Variants in NDUFC2 observed in about 807,000 individuals in gnomAD.
NDUFC2 encodes NADH dehydrogenase [ubiquinone] 1 subunit C2.
In NDUFC2, 2 loss-of-function variants were observed where a neutral mutation model predicts 10.1. That is an observed-to-expected ratio of 0.20 (90% CI 0.08 to 0.62). The LOEUF (loss-of-function observed/expected upper bound fraction) is 0.62, where lower values mean the gene tolerates loss of function less well. Ranked by LOEUF, NDUFC2 falls within the 20% of genes least tolerant of loss-of-function variation. The pLI is 0.87. For synonymous variants in NDUFC2, 61 were observed against 63.6 expected, an observed-to-expected ratio of 0.96 and a Z score of 0.20; for missense variants, 156 against 159.6, an observed-to-expected ratio of 0.98 and a Z score of 0.12.
intron 1 of NDUFC2, 89 bp downstream of exon 1, chr11:78,079,490 A>G: frequency 1.2e-5 from 18 of 1,463,384 alleles, no homozygotes; most frequent in Non-Finnish European, 1.6e-5. Flanking sequence ...ACGGAAAAGC[A>G]GAGCACCTCA....
Position 78,079,778 on chromosome 11 carries a change from G to C in NDUFC2, c.-34C>G, listed in dbSNP as rs1004203637. 2.5e-6 allele frequency: 4 copies of C among 1,583,472 alleles called. No individual in the cohort carries two copies. Among genetic ancestry groups the C allele is most frequent in the African/African-American group, 2.7e-5 (2 of 72,846 alleles). On this transcript the variant is annotated 5_prime_UTR_variant, in exon 1 of 3. Coordinates refer to ENST00000281031, the MANE Select transcript of NDUFC2 (RefSeq NM_004549.6). ...CGTTTCCACTTGAGGCCTGGTCTCAGACCACGAACTACAAGGAAAACCACG... is the reference window on the plus strand; with the variant it reads ...CGTTTCCACTTGAGGCCTGGTCTCACACCACGAACTACAAGGAAAACCACG...
At position 78,074,034 on chromosome 11, in the gene NDUFC2, TTTTC is replaced by T. The variant is rs532078836; in HGVS notation, c.167-897_167-894del. 1.6e-3 allele frequency among the ~76,000 whole-genome samples: 228 copies of T among 139,954 alleles called. 1 individual carries two copies. The highest frequency in any genetic ancestry group is 5.6e-3 in the African/African-American group (210 of 37,370). The allele number at this position is 139,954 out of a possible 152,430, so 91.8% of individuals were successfully genotyped here. On this transcript the variant is annotated intron_variant, in intron 1 of 2. Transcript: ENST00000281031. ...CCAAAAGCGTGCACCACCATGCCTTTTTTCTTTCTTTCTTTCTTTCTTTTTTTTT... is the reference window on the plus strand; with the variant it reads ...CCAAAAGCGTGCACCACCATGCCTTTTTTCTTTCTTTCTTTCTTTTTTTTT...
At chr11:78,072,505 A>C (rs1177972373) in intron 2 of NDUFC2, among the ~76,000 whole-genome samples, 2 of 152,216 alleles carry the variant, frequency 1.3e-5, no homozygotes, top group Non-Finnish European at 2.9e-5. Context: ...AGATGTGATC[A>C]GATTTGCTGT....
chr11:78,079,568 G>C lies in NDUFC2; in HGVS notation c.166+11C>G. On this transcript the variant is annotated intron_variant, in intron 1 of 2. Coordinates refer to ENST00000281031, the MANE Select transcript of NDUFC2 (RefSeq NM_004549.6). The stretch of plus-strand genomic sequence containing the variant: ...TCTCCTCCCAGCCGATCCCGGCCGC[G>C]CAGCACTCACCAGCCGTCGCGATCG... 6.5e-7 allele frequency: 1 copy of C among 1,548,992 alleles called. No homozygotes were observed. Among genetic ancestry groups the C allele is most frequent in the South Asian group, 1.2e-5 (1 of 84,034 alleles).
chr11:78,073,453 T>C (rs974235213), intron 1 of NDUFC2, among the ~76,000 whole-genome samples: 1 of 151,578 alleles, frequency 6.6e-6, no homozygotes, highest in Non-Finnish European at 1.5e-5. Context: ...TATTGCGCCA[T>C]TGCACTCCAG....
chr11:78,070,621 G>A (rs375638771), intron 2 of NDUFC2, among the ~76,000 whole-genome samples: 1 of 152,024 alleles, frequency 6.6e-6, no homozygotes. Context: ...TTCTTTCATT[G>A]ACTGAAGAAT....
In NDUFC2 at chr11:78,075,730, G is replaced by A. The variant is rs370681254; in HGVS notation, c.167-2589C>T. Among the ~76,000 whole-genome samples the A allele has an allele frequency of 5.3e-5, 8 of 152,202 alleles. No individual in the cohort carries two copies. The East Asian group carries it at 1.5e-3, about 29-fold the overall frequency. On this transcript the variant is annotated intron_variant, in intron 1 of 2. Transcript: ENST00000281031. ...CTCCCAAGTAGCTGGGATCACAGGT[G>A]CATGCCACCACGTCCAGATAGCTTA...
In NDUFC2 at chr11:78,073,072, T is replaced by G. The variant is rs1023401854; in HGVS notation, c.236A>C (p.Asp79Ala). 4.3e-6 allele frequency: 7 copies of G among 1,614,072 alleles called. No homozygotes were observed. Among genetic ancestry groups the G allele is most frequent in the Non-Finnish European group, 5.9e-6 (7 of 1,180,016 alleles). ...FAGYYLVKREDYLYAVRDREM... is the reference protein window; with the variant it reads ...FAGYYLVKREAYLYAVRDREM... ...ACGGTCCCTCACAGCATACAGGTAG[T>G]CTTCACGTTTTACAAGATAATATCC... Residue 79 changes from aspartate to alanine, a missense_variant, in exon 2 of 3, where the codon GAC becomes GCC. Transcript: ENST00000281031.
chr11:78,079,376 TTTC>T (rs1296879348), intron 1 of NDUFC2, among the ~76,000 whole-genome samples, 200 bp downstream of exon 1: 1 of 152,062 alleles, frequency 6.6e-6, no homozygotes, highest in African/African-American at 2.4e-5. Flanking sequence ...TGCACCTCAG[TTTC>T]TTCAAGTGCC....
chr11:78,073,064 A>G lies in NDUFC2; in HGVS notation c.244T>C (p.Tyr82His). The G allele has an allele frequency of 1.2e-6, 2 of 1,614,200 alleles. No individual in the cohort carries two copies. Among genetic ancestry groups the G allele is most frequent in the Non-Finnish European group, 1.7e-6 (2 of 1,180,044 alleles). ...AACATTTCACGGTCCCTCACAGCAT[A>G]CAGGTAGTCTTCACGTTTTACAAGA... is the stretch of plus-strand genomic sequence containing the variant. ...YYLVKREDYL[Y>H]AVRDREMFGY... Residue 82 changes from tyrosine (Y) to histidine (H), a missense_variant, in exon 2 of 3, where the codon TAT (tyrosine) becomes CAT (histidine). By Grantham distance (83) the Tyr-to-His change is moderately conservative. Transcript: ENST00000281031.
At chr11:78,078,891 A>C (rs916249616) in intron 1 of NDUFC2, among the ~76,000 whole-genome samples, 1 of 124,868 alleles carries the variant, frequency 8.0e-6, no homozygotes, top group African/African-American at 2.8e-5. Flanking sequence ...CGCCCGGCTA[A>C]CTTTTGTATT....
rs1346794298 is a variant in NDUFC2, at chr11:78,071,950, A to G, written c.310+1048T>C. On this transcript the variant is annotated intron_variant, in intron 2 of 2. Transcript: ENST00000281031. Reference sequence around the variant, plus strand: ...ATACGGTTCATATCCACTATTATGCATAAGTAAGTGCCTGCTATGTGTAGG... The same window carrying G: ...ATACGGTTCATATCCACTATTATGCGTAAGTAAGTGCCTGCTATGTGTAGG... Among the ~76,000 whole-genome samples, 6 of 152,358 alleles carry G rather than the reference A, an allele frequency of 3.9e-5. 1 individual carries two copies. In the South Asian group the frequency reaches 1.2e-3, roughly 32 times the overall value.
chr11:78,072,518 T>C (rs1428190663), intron 2 of NDUFC2, among the ~76,000 whole-genome samples: 3 of 152,168 alleles, frequency 2.0e-5, no homozygotes, highest in East Asian at 1.9e-4. Context: ...TTTGCTGTCA[T>C]TGGAAATAAG....
rs1858842634 is a variant in NDUFC2, at chr11:78,068,577, G to GAGAT, written c.*1406_*1409dup. ...CAAGGCAGGTGGATCACAAGGTCAA[G>GAGAT]AGATTGAGACCATCTTGGCCAACAT... On this transcript the variant is annotated 3_prime_UTR_variant, in exon 3 of 3. Coordinates refer to ENST00000281031, the MANE Select transcript of NDUFC2 (RefSeq NM_004549.6). 6.6e-6 allele frequency: 1 copy of GAGAT among 152,202 alleles called. No individual in the cohort carries two copies. Among genetic ancestry groups the GAGAT allele is most frequent in the Admixed American group, 6.5e-5 (1 of 15,280 alleles). 9.4% of individuals were successfully genotyped at this position (152,202 alleles called of 1,614,324 possible). A position where few individuals can be genotyped will look rare whatever the true frequency, so the allele number is the denominator to read the frequency against.
chr11:78,068,386 T>G lies in NDUFC2; in HGVS notation c.*1601A>C, dbSNP rs1366638115. 6 of 152,232 alleles carry G rather than the reference T, an allele frequency of 3.9e-5. No homozygotes were observed. Among genetic ancestry groups the G allele is most frequent in the Admixed American group, 1.3e-4 (2 of 15,284 alleles). The allele number at this position is 152,232 out of a possible 1,614,324, so 9.4% of individuals were successfully genotyped here. On this transcript the variant is annotated 3_prime_UTR_variant, in exon 3 of 3. Coordinates refer to ENST00000281031, the MANE Select transcript of NDUFC2 (RefSeq NM_004549.6). ...CTTTATTATTTCTAAAGCACTTTCC[T>G]CAACCTAATTTCAGTTTTTACAATT... is the stretch of plus-strand genomic sequence containing the variant.
intron 2 of NDUFC2, among the ~76,000 whole-genome samples, chr11:78,071,921 TTCCATACGGTTCATA>T (rs1269913766): frequency 6.6e-6 from 1 of 152,206 alleles, no homozygotes; most frequent in African/African-American, 2.4e-5. Context: ...TGAGGAAGTA[TTCCATACGGTTCATA>T]TCCACTATTA....
At chr11:78,074,065 A>C (rs1051609181) in intron 1 of NDUFC2, among the ~76,000 whole-genome samples, 14 of 149,424 alleles carry the variant, frequency 9.4e-5, no homozygotes, top group Non-Finnish European at 1.3e-4. Context: ...TTTTTTTTTT[A>C]AGAGGGGTCT....
rs147426758 is a variant in NDUFC2 at position 78,073,133 on chromosome 11, G to A, written c.175C>T (p.Arg59Cys). The A allele has an allele frequency of 4.8e-5, 78 of 1,611,190 alleles. No homozygotes were observed. Among genetic ancestry groups the A allele is most frequent in the Middle Eastern group, 1.7e-4 (1 of 6,042 alleles). The change falls in exon 2 of 3, where the codon CGC becomes TGC. Residue 59 changes from arginine (R) to cysteine (C), a missense_variant. Transcript: ENST00000281031. Reference sequence around the variant, plus strand: ...AAGGCCGTAATATATAGAAGCTGGCGATGCAAACCTGAAATTCAAATGACA... The same window carrying A: ...AAGGCCGTAATATATAGAAGCTGGCAATGCAAACCTGAAATTCAAATGACA... ...RRPIATAGLHRQLLYITAFFF... is the reference protein window; with the variant it reads ...RRPIATAGLHCQLLYITAFFF...
Position 78,079,702 on chromosome 11 carries a change from C to T in NDUFC2, c.43G>A (p.Asp15Asn), listed in dbSNP as rs746358542. The change falls in exon 1 of 3, where the codon GAT becomes AAT. Residue 15 changes from aspartate (D) to asparagine (N), a missense_variant. By Grantham distance (23) the Asp-to-Asn change is conservative (BLOSUM62 1). Coordinates refer to ENST00000281031, the MANE Select transcript of NDUFC2 (RefSeq NM_004549.6). ...GGCGGGGGCAGGCTCCGGGCCTCAT[C>T]CGGCAGAAACCGTAAGGGTTCTGGG... ...RNPEPLRFLP[D>N]EARSLPPPKL... The T allele has an allele frequency of 1.9e-6, 3 of 1,610,102 alleles. No individual in the cohort carries two copies. The highest frequency in any genetic ancestry group is 1.1e-5 in the South Asian group (1 of 90,426).
Sources: gnomAD v4.1 joint callset for allele counts (sites outside exome capture counted in the v4.1 genomes callset) on GRCh38, gnomAD v4.1.1 for gene constraint, MANE v1.5 for transcripts, NCBI Gene and HGNC (gene_info 2026-07-23, HGNC 2026-07-21) for gene names.